LRRC27: variants seen among roughly 807,000 people sequenced by gnomAD.
LRRC27 encodes the protein leucine rich repeat containing 27.
In LRRC27, 57 loss-of-function variants were observed where a neutral mutation model predicts 55.0. The ratio of observed to expected loss-of-function variants is 1.04; its 90% CI spans 0.84 to 1.29. The LOEUF is 1.29. LRRC27 is among the 50% of genes most tolerant of loss of function. The pLI, the probability that LRRC27 is intolerant of heterozygous loss-of-function variation, is 0.00. For missense variants in LRRC27, 721 were observed against 651.5 expected (o/e 1.11, Z -1.16); for synonymous variants, 278 against 251.9 (o/e 1.10, Z -0.98).
intron 4 of LRRC27, among the ~76,000 whole-genome samples, chr10:132,343,712 G>A (rs941746265): frequency 2.6e-5 from 4 of 152,346 alleles, no homozygotes; most frequent in South Asian, 4.1e-4. Flanking sequence ...TGTGAAAAGC[G>A]AGCGCGGCTG....
Position 132,340,880 on chromosome 10 carries a change from C to CAA in LRRC27, c.342-1316_342-1315dup, listed in dbSNP as rs35586925. ...TGAGCCACAGAGTGAGACTCCATCT[C>CAA]AAAAAAAAAAAAAAAAAATTCAAAT... On this transcript the variant is annotated intron_variant, in intron 3 of 10. Coordinates refer to ENST00000368614, the MANE Select transcript of LRRC27 (RefSeq NM_030626.3). 5.5e-3 allele frequency among the ~76,000 whole-genome samples: 543 copies of CAA among 99,512 alleles called. 3 individuals carry two copies. Among genetic ancestry groups the CAA allele is most frequent in the Non-Finnish European group, 7.1e-3 (346 of 48,682 alleles). The allele number at this position is 99,512 out of a possible 152,430, so 65.3% of individuals were successfully genotyped here.
chr10:132,359,691 C>CT (rs377140558), intron 8 of LRRC27, among the ~76,000 whole-genome samples: 25 of 152,370 alleles, frequency 1.6e-4, no homozygotes, highest in African/African-American at 6.0e-4. Context: ...GCTGCGGCTG[C>CT]TGAAAGGGCT....
Position 132,344,641 on chromosome 10 carries a change from A to T in LRRC27, c.544A>T (p.Thr182Ser). 6.2e-7 allele frequency: 1 copy of T among 1,613,844 alleles called. No individual in the cohort carries two copies. The highest frequency in any genetic ancestry group is 8.5e-7 in the Non-Finnish European group (1 of 1,179,766). ...AVEHSLPRNP[T>S]SQEAPPVREM... ...AGAACACTCTCTCCCCAGAAATCCA[A>T]CTTCTCAAGGTTTGTAGGAGGTGAT... Residue 182 changes from threonine (T) to serine (S), a missense_variant, in exon 5 of 11, where the codon ACT (threonine) becomes TCT (serine). By Grantham distance (58) the Thr-to-Ser change is moderately conservative. Coordinates refer to ENST00000368614, the MANE Select transcript of LRRC27 (RefSeq NM_030626.3).
At chr10:132,330,727 C>G (rs1055306309), upstream of LRRC27, among the ~76,000 whole-genome samples, 1 of 145,366 alleles carries the variant, frequency 6.9e-6, no homozygotes. Context: ...CCAGGCTGGT[C>G]TCCAACTCCT....
chr10:132,341,015 G>C (rs554540041), intron 3 of LRRC27, among the ~76,000 whole-genome samples: 1 of 152,302 alleles, frequency 6.6e-6, no homozygotes, highest in East Asian at 1.9e-4. Context: ...TTAAATGAGG[G>C]CTGGGCATGG....
At chr10:132,355,981 C>A in intron 8 of LRRC27, 95 bp downstream of exon 8, 1 of 859,408 alleles carries the variant, frequency 1.2e-6, no homozygotes. Flanking sequence ...TGAGCCGAGA[C>A]CTGGGGGTGT....
At chr10:132,345,786 G>A (rs2067655547) in intron 5 of LRRC27, among the ~76,000 whole-genome samples, 1 of 152,166 alleles carries the variant, frequency 6.6e-6, no homozygotes, top group Non-Finnish European at 1.5e-5. Flanking sequence ...GACACAGGGA[G>A]CACAGGAGAC....
rs992049638 is a variant in LRRC27 at position 132,375,427 on chromosome 10, T to C, written c.*185T>C. The C allele has an allele frequency of 1.8e-6, 1 of 547,702 alleles. No homozygotes were observed. The highest frequency in any genetic ancestry group is 1.9e-5 in the African/African-American group (1 of 52,162). The allele number at this position is 547,702 out of a possible 1,614,324, so 33.9% of individuals were successfully genotyped here. A position where few individuals can be genotyped will look rare whatever the true frequency, so the allele number is the denominator to read the frequency against. The stretch of plus-strand genomic sequence containing the variant: ...TCCCTCTCCTGAGGCTGTGGAAGAT[T>C]TCAGCCGTATTAAAAGAAAGGACAC... On this transcript the variant is annotated 3_prime_UTR_variant, in exon 11 of 11. Transcript: ENST00000368614.
chr10:132,376,763 A>G lies in LRRC27; in HGVS notation c.*1521A>G, dbSNP rs1479886375. The G allele has an allele frequency of 2.0e-5, 3 of 152,276 alleles. No homozygotes were observed. The highest frequency in any genetic ancestry group is 2.1e-4 in the South Asian group (1 of 4,836). 9.4% of individuals were successfully genotyped at this position (152,276 alleles called of 1,614,324 possible). A position where few individuals can be genotyped will look rare whatever the true frequency, so the allele number is the denominator to read the frequency against. ...GAATGTATTTTGAGTTGTTGGGTACATTGTTTTGTGTGTGTCAGGTGACAT... is the reference window on the plus strand; with the variant it reads ...GAATGTATTTTGAGTTGTTGGGTACGTTGTTTTGTGTGTGTCAGGTGACAT... On this transcript the variant is annotated 3_prime_UTR_variant, in exon 11 of 11. Coordinates refer to ENST00000368614, the MANE Select transcript of LRRC27 (RefSeq NM_030626.3).
intron 9 of LRRC27, among the ~76,000 whole-genome samples, 177 bp from the exon 10 acceptor site, chr10:132,365,247 T>C (rs1311148350): frequency 1.3e-5 from 2 of 151,428 alleles, no homozygotes; most frequent in African/African-American, 2.4e-5. Flanking sequence ...TGGAGGAGAG[T>C]GGGTGCCGGG....
Position 132,374,321 on chromosome 10 carries a change from G to A in LRRC27, c.1417-745G>A, listed in dbSNP as rs924053181. 3.9e-5 allele frequency among the ~76,000 whole-genome samples: 6 copies of A among 152,286 alleles called. No homozygotes were observed. The South Asian group carries it at 1.0e-3, about 26-fold the overall frequency. On this transcript the variant is annotated intron_variant, in intron 10 of 10. Transcript: ENST00000368614. This position sits in a 1 kb window ranked among gnomAD's most constrained non-coding sequence, Gnocchi z 4.4. ...CTGTGCCCCCAGCAAGGCAAGCCGG[G>A]GAGGGAGACGGGAGCCGGGTGGCCC...
Position 132,380,808 on chromosome 10 carries a change from A to C in LRRC27, c.*5566A>C, listed in dbSNP as rs1256953196. On this transcript the variant is annotated 3_prime_UTR_variant, in exon 11 of 11. Transcript: ENST00000368614. ...AGAGAAAAGTCATGACATTTCAAGA[A>C]AAAGTTGAATTTCTTGATATGTTCC... 6.6e-6 allele frequency among the ~76,000 whole-genome samples: 1 copy of C among 152,254 alleles called. No individual in the cohort carries two copies. Among genetic ancestry groups the C allele is most frequent in the East Asian group, 1.9e-4 (1 of 5,204 alleles).
At chr10:132,352,888 C>T in intron 7 of LRRC27, 1 of 1,613,950 alleles carries the variant, frequency 6.2e-7, no homozygotes, top group Non-Finnish European at 8.5e-7. Context: ...TCAGTCCTTT[C>T]CTCCTCATTT....
chr10:132,335,920 G>A (rs2067106040), intron 2 of LRRC27, among the ~76,000 whole-genome samples: 1 of 152,176 alleles, frequency 6.6e-6, no homozygotes. Context: ...TGGTTTGGGT[G>A]AGGGCAACTA....
intron 5 of LRRC27, 189 bp downstream of exon 5, chr10:132,344,839 C>A: frequency 1.9e-6 from 1 of 531,084 alleles, no homozygotes; most frequent in Non-Finnish European, 3.2e-6. Context: ...TTCCTTGGTT[C>A]TATAAATCTG....
intron 9 of LRRC27, among the ~76,000 whole-genome samples, chr10:132,364,839 C>CACAATT (rs1564855219): frequency 1.0e-4 from 15 of 150,654 alleles, no homozygotes; most frequent in Admixed American, 2.0e-4. Flanking sequence ...CCTCCACGCC[C>CACAATT]ACACCCTGGG....
intron 9 of LRRC27, among the ~76,000 whole-genome samples, chr10:132,364,576 C>CTA (rs1564854157): frequency 4.3e-5 from 1 of 23,506 alleles, no homozygotes; most frequent in African/African-American, 1.1e-4. Flanking sequence ...CACGTCCACA[C>CTA]CCTGGGGCCC....
At chr10:132,368,689 C>T (rs546241342) in intron 10 of LRRC27, among the ~76,000 whole-genome samples, 2 of 152,134 alleles carry the variant, frequency 1.3e-5, no homozygotes, top group African/African-American at 4.8e-5. Flanking sequence ...AACGTGTTAC[C>T]GTACAACTTT....
At chr10:132,352,762 C>G (rs189144424) in intron 7 of LRRC27, 20,635 of 1,099,606 alleles carry the variant, frequency 0.019, 397 homozygotes, top group South Asian at 0.052. Context: ...CGAGGCCTCC[C>G]TGTGGGACAG....
Sources: allele counts gnomAD v4.1 joint callset (sites outside exome capture counted in the v4.1 genomes callset), GRCh38; gene constraint gnomAD v4.1.1; non-coding constraint Gnocchi (gnomAD v3.1); transcripts MANE v1.5; gene names NCBI Gene and HGNC (gene_info 2026-07-23, HGNC 2026-07-21).